Variants in NHS observed in about 807,000 individuals in gnomAD.
NHS encodes actin remodeling regulator NHS.
A neutral mutation model predicts 72.5 loss-of-function variants in NHS; 5 were observed. The ratio of observed to expected loss-of-function variants is 0.07; its 90% CI spans 0.04 to 0.14. The LOEUF (loss-of-function observed/expected upper bound fraction) is 0.14, where lower values mean the gene tolerates loss of function less well. NHS is among the 10% of genes least tolerant of loss of function. The pLI is 1.00. For missense variants in NHS, 1,072 were observed against 1,355.7 expected (o/e 0.79, Z 3.29); for synonymous variants, 464 against 547.7 (o/e 0.85, Z 2.13).
At chrX:17,394,062 A>G (rs1274868865) in intron 1 of NHS, among the ~76,000 whole-genome samples, 2 of 111,230 alleles carry the variant, frequency 1.8e-5, no homozygotes, top group African/African-American at 6.5e-5. Context: ...TGAAATGACC[A>G]TGATTGGAGA....
At chrX:17,632,306 G>A (rs926918677) in intron 1 of NHS, among the ~76,000 whole-genome samples, 3 of 110,781 alleles carry the variant, frequency 2.7e-5, no homozygotes, top group Admixed American at 9.6e-5. Context: ...ACAGTAGGAC[G>A]CAATTCTCTA....
intron 4 of NHS, among the ~76,000 whole-genome samples, chrX:17,720,294 G>C (rs1449091464): frequency 8.9e-6 from 1 of 111,819 alleles, no homozygotes; most frequent in Non-Finnish European, 1.9e-5. Flanking sequence ...CTTGAGAACA[G>C]TTCATTTGAC....
Position 17,580,677 on chromosome X carries a change from A to AG in NHS, c.566-107064dup, listed in dbSNP as rs773841708. ...CTGTGATTTGTTGCTCCTGCAAGATAGCCACTCCCCCTTCTCATTTCCCAA... is the reference window on the plus strand; with the variant it reads ...CTGTGATTTGTTGCTCCTGCAAGATAGGCCACTCCCCCTTCTCATTTCCCAA... On this transcript the variant is annotated intron_variant, in intron 1 of 8. Transcript: ENST00000676302. Among the ~76,000 whole-genome samples the AG allele has an allele frequency of 7.2e-5, 8 of 111,596 alleles. No homozygotes were observed. The South Asian group carries it at 3.1e-3, about 43-fold the overall frequency.
chrX:17,481,642 G>A (rs1243078317), intron 1 of NHS, among the ~76,000 whole-genome samples: 2 of 111,072 alleles, frequency 1.8e-5, no homozygotes, highest in African/African-American at 3.3e-5. Context: ...ATTTTAAAGG[G>A]AAGATTTAAA....
At chrX:17,385,388 C>T (rs1369743009) in intron 1 of NHS, among the ~76,000 whole-genome samples, 1 of 111,222 alleles carries the variant, frequency 9.0e-6, no homozygotes, top group Non-Finnish European at 1.9e-5. Flanking sequence ...ATGGTATGTG[C>T]CCGTAGTCCC....
At chrX:17,404,987 A>G (rs767470492) in intron 1 of NHS, among the ~76,000 whole-genome samples, 1 of 111,824 alleles carries the variant, frequency 8.9e-6, no homozygotes, top group East Asian at 2.8e-4. Flanking sequence ...AAGAACCCCA[A>G]AAGTCTCAGT....
intron 1 of NHS, among the ~76,000 whole-genome samples, chrX:17,605,864 G>A (rs1470171870): frequency 8.9e-6 from 1 of 111,885 alleles, no homozygotes; most frequent in African/African-American, 3.3e-5. Context: ...TTCCAGCTCT[G>A]TTGCCCTGGA....
chrX:17,625,651 TGA>T (rs1302338725), intron 1 of NHS, among the ~76,000 whole-genome samples: 1 of 112,416 alleles, frequency 8.9e-6, no homozygotes. Context: ...AAATATGATG[TGA>T]GTCATTTACG....
At chrX:17,487,378 C>T (rs1238364184) in intron 1 of NHS, among the ~76,000 whole-genome samples, 6 of 111,458 alleles carry the variant, frequency 5.4e-5, no homozygotes, top group South Asian at 3.8e-4. Context: ...TAATTTAGGG[C>T]GCCCACCCTC....
intron 1 of NHS, among the ~76,000 whole-genome samples, chrX:17,455,817 C>CA (rs2064823339): frequency 8.9e-6 from 1 of 111,829 alleles, no homozygotes; most frequent in Non-Finnish European, 1.9e-5. Flanking sequence ...AATCTCAACT[C>CA]AGAGTTGAGC....
At chrX:17,729,314 G>A (rs1378800306) in intron 8 of NHS, among the ~76,000 whole-genome samples, 1 of 111,488 alleles carries the variant, frequency 9.0e-6, no homozygotes, top group Non-Finnish European at 1.9e-5. Flanking sequence ...AACTCACATT[G>A]TACCCTATAA....
intron 1 of NHS, among the ~76,000 whole-genome samples, chrX:17,502,250 G>A (rs970043980): frequency 2.7e-5 from 3 of 111,275 alleles, no homozygotes; most frequent in Non-Finnish European, 3.8e-5. Context: ...ACATGAACAC[G>A]ATCTCATGGG....
intron 1 of NHS, among the ~76,000 whole-genome samples, chrX:17,506,069 C>T (rs1409142099): frequency 8.9e-6 from 1 of 111,864 alleles, no homozygotes; most frequent in African/African-American, 3.2e-5. Flanking sequence ...TTTGTGGATC[C>T]CACAGAAATA....
chrX:17,612,440 G>A (rs1473181157), intron 1 of NHS, among the ~76,000 whole-genome samples: 1 of 110,274 alleles, frequency 9.1e-6, no homozygotes, highest in African/African-American at 3.3e-5. Flanking sequence ...GGTCCAGCTG[G>A]GTGACAGGTC....
chrX:17,402,154 T>C (rs1164279014), intron 1 of NHS, among the ~76,000 whole-genome samples: 1 of 110,863 alleles, frequency 9.0e-6, no homozygotes, highest in Non-Finnish European at 1.9e-5. Flanking sequence ...TCATACCCAT[T>C]GGGAAGGATA....
At chrX:17,731,455 C>A (rs1235460755) in intron 8 of NHS, among the ~76,000 whole-genome samples, 1 of 109,639 alleles carries the variant, frequency 9.1e-6, no homozygotes, top group East Asian at 2.9e-4. Flanking sequence ...CCAGGATGGT[C>A]TCGAACTCCT....
intron 1 of NHS, among the ~76,000 whole-genome samples, chrX:17,522,430 C>A (rs1354943744): frequency 3.7e-5 from 4 of 107,221 alleles, no homozygotes; most frequent in Admixed American, 1.0e-4. Flanking sequence ...GGCTCTGTGT[C>A]AGGCCCACAA....
intron 1 of NHS, among the ~76,000 whole-genome samples, chrX:17,421,689 G>A (rs1469862910): frequency 9.1e-6 from 1 of 110,153 alleles, no homozygotes; most frequent in African/African-American, 3.3e-5. Context: ...CAATTCTCCT[G>A]CCTCAGCCTC....
At chrX:17,551,762 T>C (rs1266600014) in intron 1 of NHS, among the ~76,000 whole-genome samples, 1 of 111,219 alleles carries the variant, frequency 9.0e-6, no homozygotes, top group Non-Finnish European at 1.9e-5. Flanking sequence ...CTGTGCCTGT[T>C]CGTTGCCCTG....
Sources: gnomAD v4.1 joint callset for allele counts (sites outside exome capture counted in the v4.1 genomes callset) on GRCh38, gnomAD v4.1.1 for gene constraint, MANE v1.5 for transcripts, NCBI Gene and HGNC (gene_info 2026-07-23, HGNC 2026-07-21) for gene names.